Variants in NCKAP5 observed in about 807,000 individuals in gnomAD.
NCKAP5 encodes the protein NCK associated protein 5.
In NCKAP5, 92 loss-of-function variants were observed where a neutral mutation model predicts 167.0. The observed-to-expected ratio is 0.55, with a 90% CI of 0.47 to 0.66. The LOEUF (loss-of-function observed/expected upper bound fraction) is 0.66, where lower values mean the gene tolerates loss of function less well. Among genes scored for constraint, NCKAP5 ranks in the 30% least tolerant of loss-of-function variants. NCKAP5 has a pLI of 0.00. For synonymous variants in NCKAP5, 891 were observed against 877.4 expected, an observed-to-expected ratio of 1.02 and a Z score of -0.27; for missense variants, 2,378 against 2,315.0, an observed-to-expected ratio of 1.03 and a Z score of -0.56.
chr2:133,098,392 G>A lies in NCKAP5; in HGVS notation c.341+31586C>T, dbSNP rs537842665. Among the ~76,000 whole-genome samples the A allele has an allele frequency of 7.3e-4, 111 of 152,170 alleles. 2 individuals carry two copies. Among genetic ancestry groups the A allele is most frequent in the Non-Finnish European group, 2.8e-4 (19 of 67,992 alleles). On this transcript the variant is annotated intron_variant, in intron 6 of 19. Coordinates refer to ENST00000409261, the MANE Select transcript of NCKAP5 (RefSeq NM_207363.3). The stretch of plus-strand genomic sequence containing the variant: ...TGGATATTACATCCATATTAGGATC[G>A]AATGACTCCATCATGATTAATGATA...
At chr2:133,400,547 C>T (rs1359379754) in intron 3 of NCKAP5, among the ~76,000 whole-genome samples, 1 of 152,104 alleles carries the variant, frequency 6.6e-6, no homozygotes, top group Admixed American at 6.6e-5. Context: ...GTTAGACAGC[C>T]TCAAGTCAAG....
Position 132,673,174 on chromosome 2 carries a change from C to T in NCKAP5, c.*115G>A. On this transcript the variant is annotated 3_prime_UTR_variant, in exon 20 of 20. Transcript: ENST00000409261. ...CTTTTTCTTCCTTCTGTCCTTCAACCTTGTTCAGAGAGTTCTTCTCTTTTT... is the reference window on the plus strand; with the variant it reads ...CTTTTTCTTCCTTCTGTCCTTCAACTTTGTTCAGAGAGTTCTTCTCTTTTT... 1.4e-6 allele frequency: 2 copies of T among 1,391,136 alleles called. No homozygotes were observed. The highest frequency in any genetic ancestry group is 1.9e-6 in the Non-Finnish European group (2 of 1,074,746). The allele number at this position is 1,391,136 out of a possible 1,614,324, so 86.2% of individuals were successfully genotyped here.
chr2:133,343,369 A>G (rs1683727043), intron 3 of NCKAP5, among the ~76,000 whole-genome samples: 1 of 152,154 alleles, frequency 6.6e-6, no homozygotes, highest in South Asian at 2.1e-4. Context: ...TTAGTAGCAA[A>G]AAATGACAAA....
At chr2:132,872,205 T>C (rs1243667342) in intron 9 of NCKAP5, among the ~76,000 whole-genome samples, 1 of 152,224 alleles carries the variant, frequency 6.6e-6, no homozygotes, top group East Asian at 1.9e-4. Context: ...AGGCTGTCCA[T>C]GGAGGCCTCT....
intron 6 of NCKAP5, among the ~76,000 whole-genome samples, chr2:132,997,146 T>A (rs780535024): frequency 3.3e-5 from 5 of 152,112 alleles, no homozygotes; most frequent in Non-Finnish European, 7.3e-5. Flanking sequence ...ATAAGACAGT[T>A]CAAAATGCCA....
intron 6 of NCKAP5, among the ~76,000 whole-genome samples, chr2:133,103,869 C>T (rs183916569): frequency 6.6e-6 from 1 of 152,152 alleles, no homozygotes; most frequent in Non-Finnish European, 1.5e-5. Flanking sequence ...TCCGAGAGAA[C>T]TAGTGCTTTA....
chr2:133,450,099 G>C, intron 3 of NCKAP5, among the ~76,000 whole-genome samples: 1 of 152,086 alleles, frequency 6.6e-6, no homozygotes, highest in Non-Finnish European at 1.5e-5. Context: ...TACAGGCCAA[G>C]TTGAATTCCT....
At chr2:133,106,498 G>A (rs1486806372) in intron 6 of NCKAP5, among the ~76,000 whole-genome samples, 1 of 152,118 alleles carries the variant, frequency 6.6e-6, no homozygotes, top group Non-Finnish European at 1.5e-5. Context: ...CAGCCCAAAT[G>A]CTAGTTCTTC....
chr2:133,096,677 G>A (rs2081353846), intron 6 of NCKAP5, among the ~76,000 whole-genome samples: 1 of 152,128 alleles, frequency 6.6e-6, no homozygotes, highest in Non-Finnish European at 1.5e-5. Context: ...ATTAAGTTGA[G>A]TTTATCTTCC....
the NCKAP5 span, among the ~76,000 whole-genome samples, chr2:133,576,633 C>A: frequency 6.6e-6 from 1 of 152,094 alleles, no homozygotes. Flanking sequence ...AATATTTCCA[C>A]CTCTGTTTTG....
At chr2:133,436,570 C>T (rs745818190) in intron 3 of NCKAP5, among the ~76,000 whole-genome samples, 3 of 152,188 alleles carry the variant, frequency 2.0e-5, no homozygotes, top group African/African-American at 7.2e-5. Flanking sequence ...CTGACATTCT[C>T]GGCCTCACAG....
intron 3 of NCKAP5, among the ~76,000 whole-genome samples, chr2:133,335,873 A>T (rs2150744541): frequency 6.6e-6 from 1 of 152,296 alleles, no homozygotes; most frequent in Admixed American, 6.5e-5. Context: ...GAAAATTGGG[A>T]CATAAATTTT....
intron 19 of NCKAP5, among the ~76,000 whole-genome samples, chr2:132,692,971 A>G (rs1686917922): frequency 6.6e-6 from 1 of 152,244 alleles, no homozygotes; most frequent in Admixed American, 6.5e-5. Flanking sequence ...CATTTTAATC[A>G]TAAAGCTAGA....
intron 3 of NCKAP5, among the ~76,000 whole-genome samples, chr2:133,430,112 A>C (rs1399207887): frequency 6.6e-6 from 1 of 151,976 alleles, no homozygotes; most frequent in Non-Finnish European, 1.5e-5. Context: ...GGCTGCTTCT[A>C]TGTCTTGTTT....
chr2:133,448,189 G>A (rs1691323496), intron 3 of NCKAP5, among the ~76,000 whole-genome samples: 1 of 150,970 alleles, frequency 6.6e-6, no homozygotes, highest in Non-Finnish European at 1.5e-5. Context: ...TAAATCTTCT[G>A]TTGGATTTAT....
chr2:133,004,276 T>C (rs2077885228), intron 6 of NCKAP5, among the ~76,000 whole-genome samples: 1 of 152,234 alleles, frequency 6.6e-6, no homozygotes, highest in Non-Finnish European at 1.5e-5. Flanking sequence ...AATGGGTTAT[T>C]TCCCTAAATA....
chr2:133,420,595 A>T (rs1450044987), intron 3 of NCKAP5, among the ~76,000 whole-genome samples: 1 of 152,218 alleles, frequency 6.6e-6, no homozygotes, highest in Non-Finnish European at 1.5e-5. Flanking sequence ...TATGTAAATT[A>T]TATCTCAATA....
At chr2:132,817,689 T>G (rs1374668874) in intron 11 of NCKAP5, among the ~76,000 whole-genome samples, 1 of 152,112 alleles carries the variant, frequency 6.6e-6, no homozygotes, top group African/African-American at 2.4e-5. Context: ...TTCATGTCAG[T>G]GCCTCTGGTA....
chr2:132,711,798 C>T (rs1386449744), intron 19 of NCKAP5, among the ~76,000 whole-genome samples: 2 of 152,138 alleles, frequency 1.3e-5, no homozygotes, highest in Admixed American at 6.5e-5. Context: ...GGGCACTCCT[C>T]CTTCCCTTCC....
Sources: gnomAD v4.1 joint callset for allele counts (sites outside exome capture counted in the v4.1 genomes callset) on GRCh38, gnomAD v4.1.1 for gene constraint, MANE v1.5 for transcripts, NCBI Gene and HGNC (gene_info 2026-07-23, HGNC 2026-07-21) for gene names.